OPCML: variants seen among roughly 807,000 people sequenced by gnomAD.
The protein encoded by OPCML is opioid binding protein/cell adhesion molecule like.
In OPCML, 13 loss-of-function variants were observed where a neutral mutation model predicts 37.8. That is an observed-to-expected ratio of 0.34 (90% CI 0.22 to 0.55). OPCML has a LOEUF of 0.55. Ranked by LOEUF, OPCML falls within the 20% of genes least tolerant of loss-of-function variation. The pLI is 0.91. For synonymous variants in OPCML, 176 were observed against 168.8 expected, an observed-to-expected ratio of 1.04 and a Z score of -0.33; for missense variants, 341 against 435.6, an observed-to-expected ratio of 0.78 and a Z score of 1.93.
chr11:133,108,935 C>T (rs1431782550), intron 1 of OPCML, among the ~76,000 whole-genome samples: 1 of 152,138 alleles, frequency 6.6e-6, no homozygotes, highest in Non-Finnish European at 1.5e-5. Context: ...TGCTCAGGGC[C>T]CTTTGCAGGC....
intron 1 of OPCML, among the ~76,000 whole-genome samples, chr11:132,949,808 G>A (rs207472555): frequency 1.3e-5 from 2 of 152,176 alleles, no homozygotes; most frequent in Non-Finnish European, 2.9e-5. Context: ...TTCTGCACGG[G>A]TGTGTAAGCA....
chr11:132,665,641 A>G (rs1041425949), intron 2 of OPCML, among the ~76,000 whole-genome samples: 19 of 152,158 alleles, frequency 1.2e-4, no homozygotes, highest in African/African-American at 4.6e-4. Flanking sequence ...ACAATTATAA[A>G]AAGTAAGGGT....
chr11:133,011,072 G>A (rs751793699), intron 1 of OPCML, among the ~76,000 whole-genome samples: 5 of 152,272 alleles, frequency 3.3e-5, no homozygotes, highest in South Asian at 4.1e-4. Flanking sequence ...AAGCAAGCCC[G>A]GCAAGAGTTC....
At chr11:132,525,682 C>G (rs1332987042) in intron 4 of OPCML, 1 of 149,070 alleles carries the variant, frequency 6.7e-6, no homozygotes, top group African/African-American at 2.4e-5. Flanking sequence ...CTTACAAATA[C>G]TTCATGTTCC....
chr11:133,315,186 T>C (rs1201198545), intron 1 of OPCML, among the ~76,000 whole-genome samples: 1 of 152,198 alleles, frequency 6.6e-6, no homozygotes, highest in Non-Finnish European at 1.5e-5. Context: ...AGAAAAGCCA[T>C]GTATCTACTT....
intron 2 of OPCML, among the ~76,000 whole-genome samples, chr11:132,756,702 C>A (rs1186369467): frequency 6.6e-6 from 1 of 152,180 alleles, no homozygotes; most frequent in East Asian, 1.9e-4. Context: ...GGCTAAGTAA[C>A]TTCTATGTTA....
intron 1 of OPCML, chr11:133,006,141 T>C (rs1947106634): frequency 2.0e-6 from 2 of 983,658 alleles, no homozygotes; most frequent in African/African-American, 1.7e-5. Context: ...AGGAGATCCC[T>C]GGAGAAGCTC....
At chr11:132,935,717 C>A (rs977746625) in intron 2 of OPCML, among the ~76,000 whole-genome samples, 2 of 152,200 alleles carry the variant, frequency 1.3e-5, no homozygotes, top group Non-Finnish European at 2.9e-5. Context: ...GGCCTGCGCT[C>A]TCTGTGTTCA....
chr11:133,345,695 C>G (rs1292305912), intron 1 of OPCML, among the ~76,000 whole-genome samples: 2 of 151,990 alleles, frequency 1.3e-5, no homozygotes, highest in Non-Finnish European at 2.9e-5. Flanking sequence ...TGACTAGGGC[C>G]GTAGAGAGCA....
chr11:132,782,183 G>A (rs1006800358), intron 2 of OPCML, among the ~76,000 whole-genome samples: 4 of 151,930 alleles, frequency 2.6e-5, no homozygotes, highest in African/African-American at 7.3e-5. Context: ...TTAATAAAAA[G>A]ATGTGAATGA....
At position 133,354,568 on chromosome 11, in the gene OPCML, A is replaced by G. The variant is rs1944239579; in HGVS notation, c.61+177696T>C. Among the ~76,000 whole-genome samples the G allele has an allele frequency of 5.3e-5, 8 of 152,250 alleles. No individual in the cohort carries two copies. In the South Asian group the frequency reaches 1.7e-3, roughly 32 times the overall value. ...CCAGAATTTTGTTAACCAACAGATTATTTTAACTTTGGTCCACTTTTATAA... is the reference window on the plus strand; with the variant it reads ...CCAGAATTTTGTTAACCAACAGATTGTTTTAACTTTGGTCCACTTTTATAA... On this transcript the variant is annotated intron_variant, in intron 1 of 7. Coordinates refer to ENST00000524381, the MANE Select transcript of OPCML (RefSeq NM_001012393.5).
At chr11:132,904,962 G>C (rs1222297306) in intron 2 of OPCML, among the ~76,000 whole-genome samples, 1 of 152,196 alleles carries the variant, frequency 6.6e-6, no homozygotes, top group East Asian at 1.9e-4. Flanking sequence ...AGTTGCAGTT[G>C]CATTCAGAAC....
At chr11:132,794,104 G>A (rs1462266344) in intron 2 of OPCML, among the ~76,000 whole-genome samples, 1 of 152,162 alleles carries the variant, frequency 6.6e-6, no homozygotes, top group African/African-American at 2.4e-5. Flanking sequence ...CCACCGTGTT[G>A]TTTCCAACCG....
chr11:133,306,905 G>A lies in OPCML; in HGVS notation c.61+225359C>T, dbSNP rs138950989. On this transcript the variant is annotated intron_variant, in intron 1 of 7. Transcript: ENST00000524381. ...GACACATACAGCTGGCCATGTAATAGGTATCATACAATTGAAAATTGCCTG... is the reference window on the plus strand; with the variant it reads ...GACACATACAGCTGGCCATGTAATAAGTATCATACAATTGAAAATTGCCTG... Among the ~76,000 whole-genome samples the A allele has an allele frequency of 1.9e-3, 285 of 152,270 alleles. 2 individuals carry two copies. The highest frequency in any genetic ancestry group is 6.1e-3 in the African/African-American group (254 of 41,548).
chr11:132,684,291 T>A (rs1185251692), intron 2 of OPCML, among the ~76,000 whole-genome samples: 1 of 152,174 alleles, frequency 6.6e-6, no homozygotes, highest in African/African-American at 2.4e-5. Context: ...CTCAACATCT[T>A]TGAGATAGGC....
At chr11:132,554,883 T>TTTTTTTTTTTTTTTTTTTTTC (rs1255603307) in intron 3 of OPCML, among the ~76,000 whole-genome samples, 14 of 125,736 alleles carry the variant, frequency 1.1e-4, no homozygotes, top group East Asian at 3.5e-4. Context: ...TTTTTTTTTT[T>TTTTTTTTTTTTTTTTTTTTTC]TTTTTTTTCA....
intron 1 of OPCML, among the ~76,000 whole-genome samples, chr11:133,107,004 G>A (rs80093223): frequency 0.048 from 7,341 of 152,154 alleles, 249 homozygotes; most frequent in Non-Finnish European, 0.08. Flanking sequence ...AATACGTTCC[G>A]GTCTTGGGTA....
At chr11:132,632,046 G>A (rs908356002) in intron 3 of OPCML, among the ~76,000 whole-genome samples, 3 of 151,894 alleles carry the variant, frequency 2.0e-5, no homozygotes, top group African/African-American at 7.3e-5. Flanking sequence ...TGGCAGCCAT[G>A]CTGATCAGGG....
chr11:133,448,714 C>T (rs938809789), intron 1 of OPCML, among the ~76,000 whole-genome samples: 1 of 152,180 alleles, frequency 6.6e-6, no homozygotes, highest in African/African-American at 2.4e-5. Context: ...GCCTCAGCGT[C>T]CCGAAGTGCT....
Sources: gnomAD v4.1 joint callset for allele counts (sites outside exome capture counted in the v4.1 genomes callset) on GRCh38, gnomAD v4.1.1 for gene constraint, MANE v1.5 for transcripts, NCBI Gene and HGNC (gene_info 2026-07-23, HGNC 2026-07-21) for gene names.